ATXN1: variants seen among roughly 807,000 people sequenced by gnomAD.
ATXN1 encodes the protein ataxin-1.
ATXN1 carries 8 observed loss-of-function variants against 56.4 expected under a neutral mutation model. That is an observed-to-expected ratio of 0.14 (90% CI 0.08 to 0.26). The LOEUF is 0.26. ATXN1 is among the 10% of genes least tolerant of loss of function. The pLI is 1.00. For missense variants in ATXN1, 987 were observed against 1,106.5 expected, an observed-to-expected ratio of 0.89 and a Z score of 1.53; for synonymous variants, 514 against 494.6, an observed-to-expected ratio of 1.04 and a Z score of -0.52.
intron 2 of ATXN1, among the ~76,000 whole-genome samples, chr6:16,751,031 A>G (rs1406236335): frequency 1.4e-5 from 2 of 143,770 alleles, no homozygotes; most frequent in African/African-American, 5.3e-5. Flanking sequence ...TGCAGTGGCG[A>G]GACCTGGGCT....
At chr6:16,618,733 A>G (rs1269751982) in intron 3 of ATXN1, among the ~76,000 whole-genome samples, 2 of 151,822 alleles carry the variant, frequency 1.3e-5, no homozygotes, top group East Asian at 3.9e-4. Flanking sequence ...AAAAAAAAAA[A>G]AAAAAGGATT....
intron 2 of ATXN1, among the ~76,000 whole-genome samples, chr6:16,670,088 C>G (rs1175441520): frequency 2.6e-5 from 4 of 152,140 alleles, no homozygotes; most frequent in Non-Finnish European, 5.9e-5. Context: ...TCCTGGTACC[C>G]CAATATCACT....
intron 4 of ATXN1, among the ~76,000 whole-genome samples, chr6:16,535,804 C>T (rs1345312080): frequency 3.3e-5 from 5 of 152,110 alleles, no homozygotes; most frequent in Non-Finnish European, 7.4e-5. Context: ...ACAACCTCGG[C>T]TGAGGTCATC....
At position 16,322,612 on chromosome 6, in the gene ATXN1, T is replaced by C. The variant is rs1376426466; in HGVS notation, c.1917+3782A>G. Reference sequence around the variant, plus strand: ...TGCAGTGTCAGCAGTGCCTAACCAGTTGAGAAGACCAGGAAGATTCTTCAG... The same window carrying C: ...TGCAGTGTCAGCAGTGCCTAACCAGCTGAGAAGACCAGGAAGATTCTTCAG... On this transcript the variant is annotated intron_variant, in intron 7 of 7. Coordinates refer to ENST00000436367, the MANE Select transcript of ATXN1 (RefSeq NM_001128164.2). Among the ~76,000 whole-genome samples, 3 of 152,322 alleles carry C rather than the reference T, an allele frequency of 2.0e-5. No homozygotes were observed. The East Asian group carries it at 5.8e-4, about 29-fold the overall frequency.
At chr6:16,514,176 C>T (rs942039308) in intron 5 of ATXN1, among the ~76,000 whole-genome samples, 10 of 152,140 alleles carry the variant, frequency 6.6e-5, no homozygotes, top group Non-Finnish European at 1.2e-4. Flanking sequence ...TGCCTCCTCT[C>T]GCCCATCAAA....
At chr6:16,593,538 T>C (rs1476613796) in intron 3 of ATXN1, among the ~76,000 whole-genome samples, 2 of 152,174 alleles carry the variant, frequency 1.3e-5, no homozygotes, top group African/African-American at 4.8e-5. Context: ...TTTAGGGGTA[T>C]TTTGATCCAT....
chr6:16,485,567 G>A (rs1760527792), intron 6 of ATXN1: 1 of 152,126 alleles, frequency 6.6e-6, no homozygotes. Flanking sequence ...TGGAAACTCT[G>A]ATTGCTAATC....
intron 3 of ATXN1, among the ~76,000 whole-genome samples, chr6:16,656,659 C>T (rs537112101): frequency 1.1e-3 from 169 of 152,278 alleles, no homozygotes; most frequent in Non-Finnish European, 2.1e-3. Context: ...GTTTGCTGAA[C>T]AGGACTTGGA....
At chr6:16,307,342 A>G (rs1307462502) in intron 7 of ATXN1, among the ~76,000 whole-genome samples, 2 of 152,174 alleles carry the variant, frequency 1.3e-5, no homozygotes, top group Non-Finnish European at 2.9e-5. Context: ...AAGCAGGCAC[A>G]GTGTGTTTAT....
rs551464516 is a variant in ATXN1, at chr6:16,346,037, G to A, written c.-160-17567C>T. ...AAATTGACTGCATCCGGCAGGAAGT[G>A]TGAGGGCGGTTCTATATTCTTTTAA... On this transcript the variant is annotated intron_variant, in intron 6 of 7. Transcript: ENST00000436367. Among the ~76,000 whole-genome samples the A allele has an allele frequency of 2.0e-3, 305 of 152,284 alleles. 1 individual carries two copies. Among genetic ancestry groups the A allele is most frequent in the African/African-American group, 7.0e-3 (292 of 41,554 alleles).
chr6:16,402,242 GTTTTTTTTTTTTTTTTTTT>G lies in ATXN1; in HGVS notation c.-160-73791_-160-73773del, dbSNP rs58048762. On this transcript the variant is annotated intron_variant, in intron 6 of 7. Transcript: ENST00000436367. ...CAAGACTTCTCGCCAACCACTGACAGTTTTTTTTTTTTTTTTTTTTTTTTTTTTTTTTTTTTTTGCTTCT... is the reference window on the plus strand; with the variant it reads ...CAAGACTTCTCGCCAACCACTGACAGTTTTTTTTTTTTTTTTTTTGCTTCT... 4.1e-3 allele frequency among the ~76,000 whole-genome samples: 257 copies of G among 62,116 alleles called. 1 individual carries two copies. The highest frequency in any genetic ancestry group is 0.016 in the African/African-American group (246 of 15,002). The allele number at this position is 62,116 out of a possible 152,430, so 40.8% of individuals were successfully genotyped here. A position where few individuals can be genotyped will look rare whatever the true frequency, so the allele number is the denominator to read the frequency against.
intron 3 of ATXN1, among the ~76,000 whole-genome samples, chr6:16,627,081 C>T (rs962778631): frequency 3.3e-5 from 5 of 152,134 alleles, no homozygotes; most frequent in Admixed American, 6.5e-5. Context: ...CTATAAATGG[C>T]TATTTTAGAA....
intron 5 of ATXN1, among the ~76,000 whole-genome samples, chr6:16,515,759 T>C (rs1212764051): frequency 2.0e-5 from 3 of 152,164 alleles, no homozygotes; most frequent in Non-Finnish European, 2.9e-5. Flanking sequence ...TGGAGCTGAA[T>C]TGTGGTCTGT....
chr6:16,409,538 A>C (rs74999854), intron 6 of ATXN1, among the ~76,000 whole-genome samples: 123 of 151,864 alleles, frequency 8.1e-4, no homozygotes, highest in African/African-American at 2.7e-3. Flanking sequence ...CTGTAGTCTC[A>C]GCTACTCGGG....
At chr6:16,415,932 G>A (rs1758896002) in intron 6 of ATXN1, among the ~76,000 whole-genome samples, 1 of 152,118 alleles carries the variant, frequency 6.6e-6, no homozygotes, top group South Asian at 2.1e-4. Context: ...GGAAAAAGAA[G>A]GAGGGGAAAT....
intron 7 of ATXN1, among the ~76,000 whole-genome samples, chr6:16,311,898 A>C (rs969495939): frequency 6.6e-6 from 1 of 152,214 alleles, no homozygotes; most frequent in African/African-American, 2.4e-5. Context: ...GCCCAACACC[A>C]GGCAGAGGTA....
chr6:16,593,607 A>G (rs112260078), intron 3 of ATXN1, among the ~76,000 whole-genome samples: 250 of 152,258 alleles, frequency 1.6e-3, no homozygotes, highest in African/African-American at 5.5e-3. Context: ...GGTAACCACT[A>G]TCTTAAATTT....
At chr6:16,343,833 T>G (rs1327147596) in intron 6 of ATXN1, among the ~76,000 whole-genome samples, 1 of 152,198 alleles carries the variant, frequency 6.6e-6, no homozygotes, top group African/African-American at 2.4e-5. Flanking sequence ...ACAGATAATT[T>G]GTAACCAGTG....
chr6:16,692,928 T>A (rs1759080424), intron 2 of ATXN1, among the ~76,000 whole-genome samples: 1 of 152,134 alleles, frequency 6.6e-6, no homozygotes, highest in Non-Finnish European at 1.5e-5. Context: ...AGATAAGCTT[T>A]CTCCTCTACT....
Sources: gnomAD v4.1 joint callset for allele counts (sites outside exome capture counted in the v4.1 genomes callset) on GRCh38, gnomAD v4.1.1 for gene constraint, MANE v1.5 for transcripts, NCBI Gene and HGNC (gene_info 2026-07-23, HGNC 2026-07-21) for gene names.